Variants in CDKAL1 observed in about 807,000 individuals in gnomAD.
CDKAL1 encodes the protein CDKAL1 threonylcarbamoyladenosine tRNA methylthiotransferase, also known as threonylcarbamoyladenosine tRNA methylthiotransferase.
Under a neutral mutation model 68.2 loss-of-function variants are expected in CDKAL1, and 32 were observed. The ratio of observed to expected loss-of-function variants is 0.47; its 90% CI spans 0.35 to 0.63. The LOEUF is 0.63. Ranked by LOEUF, CDKAL1 falls within the 30% of genes least tolerant of loss-of-function variation. CDKAL1 has a pLI of 0.00. For missense variants in CDKAL1, 606 were observed against 696.7 expected (o/e 0.87, Z 1.47); for synonymous variants, 234 against 244.3 (o/e 0.96, Z 0.39).
intron 5 of CDKAL1, among the ~76,000 whole-genome samples, chr6:20,674,711 C>T (rs75691116): frequency 0.055 from 8,334 of 152,248 alleles, 336 homozygotes; most frequent in Non-Finnish European, 0.077. Flanking sequence ...CAGCCTCTTT[C>T]TATCTTCTTT....
chr6:20,857,987 G>A lies in CDKAL1; in HGVS notation c.742+11809G>A, dbSNP rs868188322. On this transcript the variant is annotated intron_variant, in intron 9 of 15. Coordinates refer to ENST00000274695, the MANE Select transcript of CDKAL1 (RefSeq NM_017774.3). ...TGATTCTCCTGCCTCAGTCTCTCGA[G>A]TAACTGGGATTACAGGCGCATGCCA... 3.3e-5 allele frequency among the ~76,000 whole-genome samples: 5 copies of A among 152,178 alleles called. No homozygotes were observed. The South Asian group carries it at 8.3e-4, about 25-fold the overall frequency.
At chr6:21,144,525 T>C (rs34957382) in intron 13 of CDKAL1, among the ~76,000 whole-genome samples, 47,285 of 151,548 alleles carry the variant, frequency 0.31, 8,485 homozygotes, top group African/African-American at 0.49. Context: ...GTGGCCCACG[T>C]ATGTAATCCT....
At chr6:20,885,149 T>C (rs988615005) in intron 9 of CDKAL1, among the ~76,000 whole-genome samples, 1 of 152,212 alleles carries the variant, frequency 6.6e-6, no homozygotes, top group Non-Finnish European at 1.5e-5. Context: ...CACTCCCCTT[T>C]TTTTTGCAGT....
intron 13 of CDKAL1, among the ~76,000 whole-genome samples, chr6:21,139,431 G>A (rs1775788227): frequency 6.6e-6 from 1 of 152,160 alleles, no homozygotes; most frequent in African/African-American, 2.4e-5. Flanking sequence ...ACATGTCCCA[G>A]GAAAGACTTA....
intron 11 of CDKAL1, among the ~76,000 whole-genome samples, chr6:21,024,254 TGC>T (rs1768836572): frequency 1.3e-5 from 2 of 152,244 alleles, no homozygotes; most frequent in Non-Finnish European, 2.9e-5. Context: ...CATGTGCCTG[TGC>T]AATGTTGACC....
At chr6:20,784,412 C>CTATTTTTTTTTTTTTTTTTTTTT (rs1775572083) in intron 8 of CDKAL1, among the ~76,000 whole-genome samples, 1 of 33,494 alleles carries the variant, frequency 3.0e-5, no homozygotes, top group African/African-American at 1.2e-4. Context: ...TATTTTATTT[C>CTATTTTTTTTTTTTTTTTTTTTT]TTTTTTTTTT....
intron 4 of CDKAL1, among the ~76,000 whole-genome samples, chr6:20,561,446 G>GAAAAAAAAAAAAA (rs55750789): frequency 2.5e-5 from 2 of 79,652 alleles, no homozygotes; most frequent in African/African-American, 9.8e-5. Flanking sequence ...TCTCAAAAAA[G>GAAAAAAAAAAAAA]AAAAAAAAAA....
chr6:20,795,274 C>T (rs1356290767), intron 8 of CDKAL1, among the ~76,000 whole-genome samples: 1 of 152,090 alleles, frequency 6.6e-6, no homozygotes, highest in Non-Finnish European at 1.5e-5. Flanking sequence ...GGTATGTTTT[C>T]ATTCTAAAGT....
rs139342507 is a variant in CDKAL1, at chr6:20,586,529, T to A, written c.286+37824T>A. 3.9e-4 allele frequency among the ~76,000 whole-genome samples: 60 copies of A among 152,178 alleles called. 1 individual carries two copies. Among genetic ancestry groups the A allele is most frequent in the African/African-American group, 1.2e-3 (49 of 41,518 alleles). On this transcript the variant is annotated intron_variant, in intron 4 of 15. Coordinates refer to ENST00000274695, the MANE Select transcript of CDKAL1 (RefSeq NM_017774.3). The stretch of plus-strand genomic sequence containing the variant: ...GGCCAGTGCCTATAATCCCAGCTAC[T>A]TGAGAGGCTGAGGCAGGAGAATCAC...
intron 9 of CDKAL1, among the ~76,000 whole-genome samples, chr6:20,912,059 A>G (rs1423764954): frequency 1.3e-5 from 2 of 152,298 alleles, no homozygotes; most frequent in South Asian, 2.1e-4. Flanking sequence ...TTTCCACCAC[A>G]TGGTGGTTGA....
chr6:20,730,858 A>G (rs1252859253), intron 5 of CDKAL1, among the ~76,000 whole-genome samples: 2 of 151,902 alleles, frequency 1.3e-5, no homozygotes, highest in African/African-American at 2.4e-5. Context: ...AAAAAAAAAA[A>G]AAAGAGAGAA....
intron 10 of CDKAL1, among the ~76,000 whole-genome samples, chr6:20,985,398 G>T (rs1037194115): frequency 3.3e-5 from 5 of 151,960 alleles, no homozygotes; most frequent in African/African-American, 7.3e-5. Context: ...GATTCAAGCG[G>T]TTCCCCTGCC....
Position 21,048,467 on chromosome 6 carries a change from G to T in CDKAL1, c.1056-16581G>T, listed in dbSNP as rs562878609. Among the ~76,000 whole-genome samples the T allele has an allele frequency of 2.0e-5, 3 of 151,886 alleles. No homozygotes were observed. In the South Asian group the frequency reaches 6.3e-4, roughly 32 times the overall value. On this transcript the variant is annotated intron_variant, in intron 11 of 15. Transcript: ENST00000274695. ...TTTCTAGTCCATAAATATAGCTTCC[G>T]GTTTCTTTCTCACTTGCTTGCTCTG... is the stretch of plus-strand genomic sequence containing the variant.
chr6:21,084,974 G>C (rs1772614855), intron 12 of CDKAL1, among the ~76,000 whole-genome samples: 1 of 152,170 alleles, frequency 6.6e-6, no homozygotes, highest in Non-Finnish European at 1.5e-5. Flanking sequence ...ATGAAAATCA[G>C]TGTGTTCTCT....
intron 6 of CDKAL1, among the ~76,000 whole-genome samples, chr6:20,749,015 T>C (rs1048767726): frequency 7.2e-6 from 1 of 139,790 alleles, no homozygotes; most frequent in Admixed American, 7.1e-5. Flanking sequence ...ATATATAAAA[T>C]GTATTCACTT....
chr6:20,667,233 T>G (rs1300842658), intron 5 of CDKAL1, among the ~76,000 whole-genome samples: 1 of 152,228 alleles, frequency 6.6e-6, no homozygotes, highest in African/African-American at 2.4e-5. Flanking sequence ...CAAATATTTC[T>G]TGAATGCCTA....
At chr6:21,114,440 A>G (rs1774297049) in intron 13 of CDKAL1, among the ~76,000 whole-genome samples, 1 of 151,696 alleles carries the variant, frequency 6.6e-6, no homozygotes, top group South Asian at 2.1e-4. Context: ...TCTTAAAGAA[A>G]GACTCCTCTA....
intron 13 of CDKAL1, among the ~76,000 whole-genome samples, chr6:21,139,134 T>C (rs980440939): frequency 5.3e-5 from 8 of 152,250 alleles, no homozygotes; most frequent in African/African-American, 1.7e-4. Flanking sequence ...CATGTGTTAG[T>C]GAACCTTTCT....
intron 9 of CDKAL1, among the ~76,000 whole-genome samples, chr6:20,849,503 A>G (rs971333673): frequency 1.3e-5 from 2 of 150,748 alleles, no homozygotes; most frequent in East Asian, 3.9e-4. Context: ...GAATGGCGTG[A>G]ACCCGGGAGG....
Sources: allele counts gnomAD v4.1 joint callset (sites outside exome capture counted in the v4.1 genomes callset), GRCh38; gene constraint gnomAD v4.1.1; transcripts MANE v1.5; gene names NCBI Gene and HGNC (gene_info 2026-07-23, HGNC 2026-07-21).